MACROD2: variants seen among roughly 807,000 people sequenced by gnomAD.
MACROD2 encodes the protein ADP-ribose glycohydrolase MACROD2.
In MACROD2, 36 loss-of-function variants were observed where a neutral mutation model predicts 70.4. The ratio of observed to expected loss-of-function variants is 0.51; its 90% CI spans 0.39 to 0.68. The LOEUF (loss-of-function observed/expected upper bound fraction) is 0.68. Ranked by LOEUF, MACROD2 falls within the 30% of genes least tolerant of loss-of-function variation. The pLI, the probability that MACROD2 is intolerant of heterozygous loss-of-function variation, is 0.00. For missense variants in MACROD2, 496 were observed against 538.4 expected (o/e 0.92, Z 0.78); for synonymous variants, 172 against 178.8 (o/e 0.96, Z 0.30).
At chr20:15,144,569 A>G (rs2076216828) in intron 5 of MACROD2, among the ~76,000 whole-genome samples, 1 of 152,182 alleles carries the variant, frequency 6.6e-6, no homozygotes, top group Non-Finnish European at 1.5e-5. Context: ...TACTTTCCCC[A>G]TCAACATTAA....
intron 8 of MACROD2, among the ~76,000 whole-genome samples, chr20:15,560,783 A>G (rs913573026): frequency 8.0e-5 from 12 of 150,880 alleles, no homozygotes; most frequent in Admixed American, 4.0e-4. Context: ...AAAAAAAAAA[A>G]AAAAAAAAGA....
At chr20:15,833,210 T>A (rs999737359) in intron 8 of MACROD2, among the ~76,000 whole-genome samples, 2 of 152,220 alleles carry the variant, frequency 1.3e-5, no homozygotes, top group African/African-American at 4.8e-5. Flanking sequence ...ATGACTATAA[T>A]TGATGGCTGA....
At chr20:14,288,045 A>G (rs1444073878) in intron 3 of MACROD2, among the ~76,000 whole-genome samples, 2 of 151,988 alleles carry the variant, frequency 1.3e-5, no homozygotes, top group African/African-American at 2.4e-5. Context: ...ACCCCTACTT[A>G]AGAGGAAAGG....
chr20:14,675,484 C>T (rs564978769), intron 4 of MACROD2, among the ~76,000 whole-genome samples: 85 of 152,206 alleles, frequency 5.6e-4, no homozygotes, highest in African/African-American at 1.9e-3. Context: ...AAATAAAATC[C>T]TTTACAGACA....
chr20:15,163,417 T>C (rs1267918663), intron 5 of MACROD2, among the ~76,000 whole-genome samples: 1 of 152,048 alleles, frequency 6.6e-6, no homozygotes, highest in Non-Finnish European at 1.5e-5. Context: ...AATGAACAAG[T>C]CTATAATTTT....
intron 5 of MACROD2, among the ~76,000 whole-genome samples, chr20:14,801,149 C>G (rs754203564): frequency 1.3e-5 from 2 of 152,178 alleles, no homozygotes; most frequent in African/African-American, 2.4e-5. Flanking sequence ...AAACTTTTCC[C>G]TAATTGGGAT....
Position 14,981,049 on chromosome 20 carries a change from T to C in MACROD2, c.419-248891T>C, listed in dbSNP as rs1020800139. Among the ~76,000 whole-genome samples the C allele has an allele frequency of 7.3e-5, 11 of 151,654 alleles. No individual in the cohort carries two copies. The East Asian group carries it at 2.1e-3, about 29-fold the overall frequency. The stretch of plus-strand genomic sequence containing the variant: ...GTGTGTGTGTGTGTGTGTGTGTGTG[T>C]GTGCATGTGTGTATGTGTGTGTGTG... On this transcript the variant is annotated intron_variant, in intron 5 of 17. Coordinates refer to ENST00000684519, the MANE Select transcript of MACROD2 (RefSeq NM_001351661.2).
intron 6 of MACROD2, among the ~76,000 whole-genome samples, chr20:15,310,565 ATCT>A (rs1430986766): frequency 6.6e-6 from 1 of 152,214 alleles, no homozygotes; most frequent in Non-Finnish European, 1.5e-5. Flanking sequence ...AGAAAAAAGA[ATCT>A]TCAACAACAA....
At chr20:15,863,344 G>A (rs1359655956) in intron 9 of MACROD2, among the ~76,000 whole-genome samples, 1 of 152,162 alleles carries the variant, frequency 6.6e-6, no homozygotes, top group Admixed American at 6.5e-5. Flanking sequence ...GAGAATGGCA[G>A]TCATTCACAC....
At chr20:14,351,233 G>T (rs773760205) in intron 3 of MACROD2, among the ~76,000 whole-genome samples, 3 of 151,674 alleles carry the variant, frequency 2.0e-5, no homozygotes, top group Admixed American at 6.6e-5. Flanking sequence ...GGCTATTCTG[G>T]TTTTTTTGTT....
chr20:14,594,365 A>G (rs77171644), intron 4 of MACROD2, among the ~76,000 whole-genome samples: 2,656 of 152,330 alleles, frequency 0.017, 70 homozygotes, highest in African/African-American at 0.06. Context: ...TAAAATATGG[A>G]AAATGCTTTT....
chr20:14,956,112 A>T (rs570277225), intron 5 of MACROD2, among the ~76,000 whole-genome samples: 2 of 152,028 alleles, frequency 1.3e-5, no homozygotes, highest in African/African-American at 4.8e-5. Flanking sequence ...CTAAATGGAA[A>T]ACCTAGGCTA....
intron 3 of MACROD2, among the ~76,000 whole-genome samples, chr20:14,436,151 A>C (rs542759463): frequency 6.7e-6 from 1 of 150,030 alleles, no homozygotes; most frequent in African/African-American, 2.5e-5. Flanking sequence ...AAAGCAAAAG[A>C]AAAAAAAAAG....
chr20:15,496,444 C>G (rs553547431), intron 7 of MACROD2, among the ~76,000 whole-genome samples: 1 of 152,200 alleles, frequency 6.6e-6, no homozygotes, highest in African/African-American at 2.4e-5. Flanking sequence ...GCCAGATGCT[C>G]TGATGAATAT....
intron 5 of MACROD2, chr20:14,850,397 A>G (rs2073187378): frequency 6.5e-6 from 1 of 154,258 alleles, no homozygotes; most frequent in Non-Finnish European, 1.4e-5. Flanking sequence ...CTCAGGGAAT[A>G]TCAGAGCTTC....
chr20:14,898,525 G>A (rs1040766397), intron 5 of MACROD2, among the ~76,000 whole-genome samples: 4 of 152,214 alleles, frequency 2.6e-5, no homozygotes, highest in East Asian at 1.9e-4. Flanking sequence ...CCAGGAGTTC[G>A]AGACCAGCCT....
intron 4 of MACROD2, among the ~76,000 whole-genome samples, chr20:14,596,287 T>C (rs1982135122): frequency 6.6e-6 from 1 of 151,504 alleles, no homozygotes; most frequent in South Asian, 2.1e-4. Context: ...AGACGGGGTT[T>C]CACCGTGTTA....
At chr20:14,311,204 T>G (rs998978093) in intron 3 of MACROD2, among the ~76,000 whole-genome samples, 1 of 152,202 alleles carries the variant, frequency 6.6e-6, no homozygotes, top group African/African-American at 2.4e-5. Context: ...CCATTTGTGG[T>G]AAGTGCCCGA....
chr20:14,488,091 G>A (rs1012627496), intron 3 of MACROD2, among the ~76,000 whole-genome samples: 25 of 152,268 alleles, frequency 1.6e-4, no homozygotes, highest in African/African-American at 6.0e-4. Flanking sequence ...CAGGCTAAAA[G>A]CGTATCACAT....
Sources: allele counts gnomAD v4.1 joint callset (sites outside exome capture counted in the v4.1 genomes callset), GRCh38; gene constraint gnomAD v4.1.1; transcripts MANE v1.5; gene names NCBI Gene and HGNC (gene_info 2026-07-23, HGNC 2026-07-21).